GRID2: variants seen among roughly 807,000 people sequenced by gnomAD.
GRID2 encodes glutamate receptor ionotropic, delta-2.
Under a neutral mutation model 114.8 loss-of-function variants are expected in GRID2, and 33 were observed. The ratio of observed to expected loss-of-function variants is 0.29; its 90% CI spans 0.22 to 0.38. GRID2 has a LOEUF of 0.38. Ranked by LOEUF, GRID2 falls within the 10% of genes least tolerant of loss-of-function variation. GRID2 has a pLI of 1.00. For synonymous variants in GRID2, 505 were observed against 449.9 expected (o/e 1.12, Z -1.55); for missense variants, 1,184 against 1,257.7 (o/e 0.94, Z 0.89).
chr4:93,014,037 A>G (rs1374270162), intron 2 of GRID2, among the ~76,000 whole-genome samples: 1 of 152,072 alleles, frequency 6.6e-6, no homozygotes, highest in Non-Finnish European at 1.5e-5. Context: ...TTGAACAAGC[A>G]TAAAGTAAGA....
intron 8 of GRID2, among the ~76,000 whole-genome samples, chr4:93,388,283 T>C (rs1233995940): frequency 2.0e-5 from 3 of 152,146 alleles, no homozygotes; most frequent in African/African-American, 4.8e-5. Context: ...AACTGTATAT[T>C]CAAAACCACT....
chr4:92,760,383 C>G (rs757285916), intron 2 of GRID2, among the ~76,000 whole-genome samples: 1 of 151,974 alleles, frequency 6.6e-6, no homozygotes, highest in African/African-American at 2.4e-5. Flanking sequence ...GCAGAAGGCT[C>G]TCGATCCTTT....
chr4:92,583,559 G>A (rs1472064314), intron 1 of GRID2, among the ~76,000 whole-genome samples: 8 of 151,710 alleles, frequency 5.3e-5, no homozygotes, highest in Admixed American at 4.6e-4. Context: ...ATTAGGAAAT[G>A]TTCTGTTAAA....
intron 2 of GRID2, among the ~76,000 whole-genome samples, chr4:92,658,574 G>A (rs917166706): frequency 6.6e-6 from 1 of 151,628 alleles, no homozygotes; most frequent in African/African-American, 2.4e-5. Flanking sequence ...AGGTCCTGAT[G>A]TCAGAGAGAA....
chr4:92,459,368 ATAAT>A (rs1454946728), intron 1 of GRID2, among the ~76,000 whole-genome samples: 3 of 152,222 alleles, frequency 2.0e-5, no homozygotes, highest in Admixed American at 1.3e-4. Flanking sequence ...CTAGCGTAAC[ATAAT>A]TAATATAGTG....
chr4:93,495,145 G>T (rs1727403684), intron 12 of GRID2, among the ~76,000 whole-genome samples: 1 of 151,678 alleles, frequency 6.6e-6, no homozygotes, highest in Non-Finnish European at 1.5e-5. Flanking sequence ...TTTGTGTTCA[G>T]TGCTTTCATT....
chr4:93,337,537 C>T (rs78654467), intron 8 of GRID2, among the ~76,000 whole-genome samples: 7,096 of 152,240 alleles, frequency 0.047, 199 homozygotes, highest in Middle Eastern at 0.082. Context: ...CTCTTTGCTT[C>T]GAAGGGAGAC....
chr4:93,246,763 A>G (rs1053188353), intron 8 of GRID2, among the ~76,000 whole-genome samples: 1 of 152,134 alleles, frequency 6.6e-6, no homozygotes, highest in Non-Finnish European at 1.5e-5. Context: ...TGTACCATAA[A>G]GTCATGAGAT....
intron 11 of GRID2, among the ~76,000 whole-genome samples, chr4:93,457,452 C>A (rs1723312945): frequency 6.6e-6 from 1 of 151,822 alleles, no homozygotes; most frequent in African/African-American, 2.4e-5. Context: ...GGAGTTTGAA[C>A]TGATCCTTGA....
chr4:92,533,446 C>CACAT (rs71579567), intron 1 of GRID2, among the ~76,000 whole-genome samples: 25,583 of 149,916 alleles, frequency 0.17, 3,395 homozygotes, highest in African/African-American at 0.38. Flanking sequence ...AGTACTAGGA[C>CACAT]ACATACATAC....
At chr4:92,901,826 TG>T (rs1331946311) in intron 2 of GRID2, among the ~76,000 whole-genome samples, 9 of 150,984 alleles carry the variant, frequency 6.0e-5, no homozygotes, top group African/African-American at 1.7e-4. Context: ...TATCTTTTTG[TG>T]TGTGTGTGTG....
At chr4:93,494,685 G>A (rs995320333) in intron 12 of GRID2, among the ~76,000 whole-genome samples, 2 of 151,542 alleles carry the variant, frequency 1.3e-5, no homozygotes, top group African/African-American at 4.8e-5. Flanking sequence ...GTATGACACA[G>A]TTCAGTTCTT....
At chr4:92,549,434 A>C (rs1726466588) in intron 1 of GRID2, among the ~76,000 whole-genome samples, 1 of 152,092 alleles carries the variant, frequency 6.6e-6, no homozygotes, top group African/African-American at 2.4e-5. Context: ...CACTCATTGG[A>C]TGAGTCCTCA....
At chr4:92,910,590 C>A (rs1395136597) in intron 2 of GRID2, among the ~76,000 whole-genome samples, 1 of 152,040 alleles carries the variant, frequency 6.6e-6, no homozygotes, top group Non-Finnish European at 1.5e-5. Context: ...GAAGGTAGTG[C>A]TAAATACAAT....
intron 2 of GRID2, among the ~76,000 whole-genome samples, chr4:92,949,152 C>CTG (rs999807164): frequency 3.5e-4 from 51 of 147,512 alleles, no homozygotes; most frequent in Admixed American, 1.6e-3. Flanking sequence ...GTGTGTGTGT[C>CTG]TGTGTGTGTG....
intron 8 of GRID2, among the ~76,000 whole-genome samples, chr4:93,321,655 GT>G (rs924783704): frequency 1.3e-5 from 2 of 150,936 alleles, no homozygotes; most frequent in African/African-American, 2.4e-5. Context: ...ACAGTTGTCA[GT>G]TTTTTTTTCT....
In GRID2 at chr4:92,917,359, G is replaced by C. The variant is rs1221216834; in HGVS notation, c.245-167636G>C. ...TCTTTTGCTGTGCAGAAGCCCTTTA[G>C]TTTAATTAGATCCCATTTGTCAATT... On this transcript the variant is annotated intron_variant, in intron 2 of 15. Transcript: ENST00000282020. Among the ~76,000 whole-genome samples the C allele has an allele frequency of 7.2e-5, 11 of 152,230 alleles. No homozygotes were observed. In the East Asian group the frequency reaches 1.9e-3, roughly 27 times the overall value.
At chr4:92,914,301 C>G (rs1748620252) in intron 2 of GRID2, among the ~76,000 whole-genome samples, 1 of 152,010 alleles carries the variant, frequency 6.6e-6, no homozygotes, top group African/African-American at 2.4e-5. Flanking sequence ...ATTTCCTTAG[C>G]TATATGCAGA....
At chr4:92,571,913 T>C (rs1727642534) in intron 1 of GRID2, among the ~76,000 whole-genome samples, 2 of 152,284 alleles carry the variant, frequency 1.3e-5, no homozygotes, top group African/African-American at 4.8e-5. Context: ...TAGCACTAAA[T>C]GCCTACAAGA....
Sources: allele counts gnomAD v4.1 joint callset (sites outside exome capture counted in the v4.1 genomes callset), GRCh38; gene constraint gnomAD v4.1.1; transcripts MANE v1.5; gene names NCBI Gene and HGNC (gene_info 2026-07-23, HGNC 2026-07-21).